GALNT13: variants seen among roughly 807,000 people sequenced by gnomAD.
GALNT13 encodes the protein polypeptide N-acetylgalactosaminyltransferase 13, also known as UDP-GalNAc:polypeptide N-acetylgalactosaminyltransferase 13.
In GALNT13, 28 loss-of-function variants were observed where a neutral mutation model predicts 64.2. The ratio of observed to expected loss-of-function variants is 0.44; its 90% CI spans 0.32 to 0.60. The LOEUF (loss-of-function observed/expected upper bound fraction) is 0.60. GALNT13 is among the 20% of genes least tolerant of loss of function. GALNT13 has a pLI of 0.05. For missense variants in GALNT13, 577 were observed against 669.8 expected (o/e 0.86, Z 1.53); for synonymous variants, 214 against 224.6 (o/e 0.95, Z 0.42).
chr2:154,082,062 C>T (rs780770359), intron 3 of GALNT13, among the ~76,000 whole-genome samples: 98 of 151,720 alleles, frequency 6.5e-4, no homozygotes, highest in Admixed American at 1.3e-3. Context: ...GGTACATAAC[C>T]CTATATCCAA....
chr2:153,402,283 C>T, the GALNT13 span, among the ~76,000 whole-genome samples: 3 of 152,012 alleles, frequency 2.0e-5, no homozygotes, highest in African/African-American at 7.3e-5. Flanking sequence ...TGTAGGGTCT[C>T]TGCCGAGAGA....
chr2:153,613,172 A>T, the GALNT13 span, among the ~76,000 whole-genome samples: 2 of 152,158 alleles, frequency 1.3e-5, no homozygotes, highest in African/African-American at 4.8e-5. Context: ...AATTAATTTG[A>T]CCATACAACA....
chr2:154,399,272 G>A (rs1212965096), intron 10 of GALNT13, among the ~76,000 whole-genome samples: 1 of 151,994 alleles, frequency 6.6e-6, no homozygotes, highest in Non-Finnish European at 1.5e-5. Context: ...AATAAAAAAA[G>A]AACTTGAGCT....
chr2:154,261,448 T>C (rs778883026), intron 8 of GALNT13, among the ~76,000 whole-genome samples: 107 of 152,302 alleles, frequency 7.0e-4, no homozygotes, highest in Non-Finnish European at 1.3e-3. Flanking sequence ...TGGTTTGTAC[T>C]GTAGCTGAGG....
chr2:154,078,372 C>T (rs1341853323), intron 3 of GALNT13, among the ~76,000 whole-genome samples: 1 of 151,392 alleles, frequency 6.6e-6, no homozygotes, highest in Non-Finnish European at 1.5e-5. Flanking sequence ...ATTGTATATG[C>T]ACATATTTTC....
chr2:154,017,863 T>G (rs1267282841), intron 3 of GALNT13, among the ~76,000 whole-genome samples: 1 of 152,216 alleles, frequency 6.6e-6, no homozygotes, highest in Non-Finnish European at 1.5e-5. Context: ...TCTAAAGATC[T>G]GAAATGAGTT....
At chr2:154,401,738 C>T (rs1442322310) in intron 10 of GALNT13, among the ~76,000 whole-genome samples, 1 of 152,148 alleles carries the variant, frequency 6.6e-6, no homozygotes, top group Admixed American at 6.5e-5. Flanking sequence ...TTGGTTGTCA[C>T]TGTTTTTGTT....
chr2:153,452,106 T>C, the GALNT13 span, among the ~76,000 whole-genome samples: 1,160 of 152,356 alleles, frequency 7.6e-3, 11 homozygotes, highest in African/African-American at 0.025. Flanking sequence ...GAGAATTTTA[T>C]AACTTAGTGT....
At chr2:153,678,824 C>T in the GALNT13 span, among the ~76,000 whole-genome samples, 1 of 151,948 alleles carries the variant, frequency 6.6e-6, no homozygotes, top group East Asian at 1.9e-4. Context: ...AAGGGACAGA[C>T]AGGGGTAGGT....
chr2:153,996,422 AT>A (rs1695527186), intron 3 of GALNT13, among the ~76,000 whole-genome samples: 1 of 152,048 alleles, frequency 6.6e-6, no homozygotes, highest in South Asian at 2.1e-4. Context: ...ATTTCTTTTG[AT>A]GATGAGTGTT....
intron 7 of GALNT13, among the ~76,000 whole-genome samples, chr2:154,250,844 T>G (rs1268839497): frequency 6.6e-6 from 1 of 152,060 alleles, no homozygotes; most frequent in East Asian, 1.9e-4. Context: ...TTTAAAACAC[T>G]TCTATAAAAT....
chr2:153,345,635 T>TTTTCTTTCTTTCTTTCTTTCTTTC, the GALNT13 span, among the ~76,000 whole-genome samples: 8 of 68,804 alleles, frequency 1.2e-4, no homozygotes, highest in Admixed American at 3.6e-4. Context: ...TTTCCTTTCT[T>TTTTCTTTCTTTCTTTCTTTCTTTC]TTTCTTTCTT....
intron 4 of GALNT13, among the ~76,000 whole-genome samples, chr2:154,142,207 A>G (rs567320297): frequency 4.9e-4 from 74 of 152,324 alleles, no homozygotes; most frequent in Non-Finnish European, 8.8e-4. Context: ...TGATATTAGC[A>G]TCATATTTAC....
At chr2:154,346,268 T>G (rs1696061748) in intron 9 of GALNT13, among the ~76,000 whole-genome samples, 1 of 152,064 alleles carries the variant, frequency 6.6e-6, no homozygotes, top group East Asian at 1.9e-4. Context: ...TTTCCAAAAC[T>G]AAATAAATAA....
the GALNT13 span, among the ~76,000 whole-genome samples, chr2:153,246,467 A>G: frequency 6.6e-6 from 1 of 152,376 alleles, no homozygotes; most frequent in East Asian, 1.9e-4. Context: ...AAAACCCACA[A>G]GCAAGAAGAG....
chr2:153,719,415 T>A, the GALNT13 span, among the ~76,000 whole-genome samples: 5 of 152,170 alleles, frequency 3.3e-5, no homozygotes, highest in Non-Finnish European at 7.4e-5. Context: ...GCTTCCATAT[T>A]TGTTCAAAGT....
chr2:153,847,217 C>T, the GALNT13 span, among the ~76,000 whole-genome samples: 1 of 151,914 alleles, frequency 6.6e-6, no homozygotes, highest in Non-Finnish European at 1.5e-5. Flanking sequence ...AATTTTAATG[C>T]ATCTAATATT....
the GALNT13 span, among the ~76,000 whole-genome samples, chr2:153,100,284 T>A: frequency 6.6e-6 from 1 of 152,330 alleles, no homozygotes; most frequent in Non-Finnish European, 1.5e-5. Context: ...TCCCAGATAA[T>A]GAGCACATGC....
At chr2:154,414,237 T>G (rs1699910873) in intron 11 of GALNT13, among the ~76,000 whole-genome samples, 1 of 152,046 alleles carries the variant, frequency 6.6e-6, no homozygotes, top group South Asian at 2.1e-4. Flanking sequence ...CAAATAAGAC[T>G]AATAGCTAAA....
Sources: gnomAD v4.1 joint callset for allele counts (sites outside exome capture counted in the v4.1 genomes callset) on GRCh38, gnomAD v4.1.1 for gene constraint, MANE v1.5 for transcripts, NCBI Gene and HGNC (gene_info 2026-07-23, HGNC 2026-07-21) for gene names.